Variants in PHLPP1 observed in about 807,000 individuals in gnomAD.
The protein encoded by PHLPP1 is PH domain leucine-rich repeat-containing protein phosphatase 1.
PHLPP1 carries 42 observed loss-of-function variants against 117.2 expected under a neutral mutation model. The observed-to-expected ratio is 0.36, with a 90% CI of 0.28 to 0.46. PHLPP1 has a LOEUF of 0.46. Among genes scored for constraint, PHLPP1 ranks in the 20% least tolerant of loss-of-function variants. PHLPP1 has a pLI of 1.00. For synonymous variants in PHLPP1, 1,042 were observed against 970.7 expected, an observed-to-expected ratio of 1.07 and a Z score of -1.37; for missense variants, 2,084 against 2,241.9, an observed-to-expected ratio of 0.93 and a Z score of 1.42.
At chr18:62,834,600 G>C (rs1247318135) in intron 2 of PHLPP1, among the ~76,000 whole-genome samples, 1 of 152,108 alleles carries the variant, frequency 6.6e-6, no homozygotes, top group Non-Finnish European at 1.5e-5. Context: ...TTGTTTTTCA[G>C]GGTCGATGTA....
chr18:62,926,656 C>T (rs191812242), intron 10 of PHLPP1, among the ~76,000 whole-genome samples: 2 of 152,208 alleles, frequency 1.3e-5, no homozygotes, highest in African/African-American at 2.4e-5. Flanking sequence ...TTTTGAGGCC[C>T]TACCCTGACC....
chr18:62,935,561 C>T (rs546825166), intron 10 of PHLPP1, among the ~76,000 whole-genome samples: 7 of 152,068 alleles, frequency 4.6e-5, no homozygotes, highest in African/African-American at 1.4e-4. Context: ...TAAGAATAGC[C>T]GGGAAAACAC....
intron 4 of PHLPP1, among the ~76,000 whole-genome samples, chr18:62,878,345 T>A (rs138329393): frequency 4.3e-4 from 66 of 152,338 alleles, no homozygotes; most frequent in African/African-American, 1.1e-3. Context: ...GGTATGAGAA[T>A]GCTGATGGAG....
intron 14 of PHLPP1, among the ~76,000 whole-genome samples, chr18:62,969,181 A>T (rs1910985266): frequency 6.6e-6 from 1 of 152,134 alleles, no homozygotes; most frequent in South Asian, 2.1e-4. Context: ...TACTGAGATT[A>T]CAGGTGTGAG....
chr18:62,889,924 A>G (rs1455198418), intron 4 of PHLPP1, among the ~76,000 whole-genome samples: 1 of 152,184 alleles, frequency 6.6e-6, no homozygotes, highest in Admixed American at 6.5e-5. Context: ...GTATTTCAAG[A>G]ACATTTCCAT....
intron 4 of PHLPP1, among the ~76,000 whole-genome samples, chr18:62,884,258 A>C (rs552987945): frequency 1.7e-4 from 26 of 152,352 alleles, no homozygotes; most frequent in African/African-American, 6.3e-4. Context: ...TCTCCTATTT[A>C]TGCAGCTGTA....
intron 4 of PHLPP1, among the ~76,000 whole-genome samples, chr18:62,873,024 A>C (rs191764314): frequency 3.8e-4 from 57 of 150,440 alleles, no homozygotes; most frequent in African/African-American, 1.1e-3. Flanking sequence ...GGGAGGTCAG[A>C]GCACTCCTTT....
chr18:62,802,183 A>G (rs778758576), intron 1 of PHLPP1, among the ~76,000 whole-genome samples: 12 of 152,198 alleles, frequency 7.9e-5, no homozygotes, highest in Non-Finnish European at 1.6e-4. Context: ...AGAAAAGAAG[A>G]AAGGTTGGCT....
intron 3 of PHLPP1, among the ~76,000 whole-genome samples, chr18:62,856,061 C>T (rs2069563118): frequency 6.6e-6 from 1 of 152,106 alleles, no homozygotes; most frequent in African/African-American, 2.4e-5. Flanking sequence ...CTTCTTACTG[C>T]GAGTTTCCCA....
intron 1 of PHLPP1, among the ~76,000 whole-genome samples, chr18:62,766,103 A>AT (rs1491171718): frequency 0.017 from 928 of 53,034 alleles, 49 homozygotes; most frequent in Non-Finnish European, 0.028. Flanking sequence ...ATATATATAT[A>AT]AAATATATAT....
chr18:62,887,394 C>T (rs1010398270), intron 4 of PHLPP1, among the ~76,000 whole-genome samples: 29 of 152,164 alleles, frequency 1.9e-4, no homozygotes, highest in Non-Finnish European at 8.8e-5. Context: ...TGCTTTAGTG[C>T]TTTAGTCTGT....
At chr18:62,834,430 A>G (rs1014104932) in intron 2 of PHLPP1, among the ~76,000 whole-genome samples, 2 of 152,190 alleles carry the variant, frequency 1.3e-5, no homozygotes, top group South Asian at 2.1e-4. Flanking sequence ...ATATTGTGCA[A>G]AGTATTAGAG....
At position 62,963,609 on chromosome 18, in the gene PHLPP1, G is replaced by A. The variant is rs60628546; in HGVS notation, c.3560+137G>A. 1.4e-3 allele frequency: 869 copies of A among 615,252 alleles called. 6 individuals carry two copies. In the African/African-American group the frequency reaches 0.015, roughly 11 times the overall value. The allele number at this position is 615,252 out of a possible 1,614,324, so 38.1% of individuals were successfully genotyped here. ...TTTGAGTATTGCAAGTTTCCCCAGA[G>A]TGAGGCTCCCTCACGACTTATGTTT... On this transcript the variant is annotated intron_variant, in intron 14 of 16. Coordinates refer to ENST00000262719, the MANE Select transcript of PHLPP1 (RefSeq NM_194449.4).
At position 62,715,770 on chromosome 18, in the gene PHLPP1, G is replaced by GGAAGCA; in HGVS notation, c.88_89insAAGCAG (p.Ala29_Ala30insGluAla). 1.1e-6 allele frequency: 1 copy of GGAAGCA among 948,742 alleles called. No homozygotes were observed. 58.8% of individuals were successfully genotyped at this position (948,742 alleles called of 1,614,324 possible). ...CTTCGGCTCCGGCGGCCGCCGCTGC[G>GGAAGCA]GCAGCAGCAGCAGCAGCGGCGGCCG... is the stretch of plus-strand genomic sequence containing the variant. On this transcript the variant is annotated inframe_insertion, in exon 1 of 17. Transcript: ENST00000262719.
intron 4 of PHLPP1, among the ~76,000 whole-genome samples, chr18:62,879,526 C>G (rs559426740): frequency 6.6e-6 from 1 of 152,080 alleles, no homozygotes; most frequent in East Asian, 1.9e-4. Context: ...ATTCTCCCAC[C>G]TCCGCCTCCT....
chr18:62,835,069 G>A (rs2144336113), intron 2 of PHLPP1, among the ~76,000 whole-genome samples: 1 of 151,930 alleles, frequency 6.6e-6, no homozygotes, highest in Non-Finnish European at 1.5e-5. Flanking sequence ...AGGTTTTTTT[G>A]TTTACTGTAT....
chr18:62,717,327 G>T, intron 1 of PHLPP1, 68 bp downstream of exon 1: 1 of 1,511,514 alleles, frequency 6.6e-7, no homozygotes, highest in Non-Finnish European at 8.8e-7. Context: ...GATTCAAATT[G>T]CTTGTCAGTT....
intron 9 of PHLPP1, among the ~76,000 whole-genome samples, chr18:62,919,707 TC>T (rs1909403186): frequency 6.6e-6 from 1 of 152,202 alleles, no homozygotes; most frequent in Non-Finnish European, 1.5e-5. Flanking sequence ...TAGACTGATC[TC>T]TTCAGTGCGT....
At chr18:62,965,908 C>A (rs924799763) in intron 14 of PHLPP1, among the ~76,000 whole-genome samples, 3 of 150,840 alleles carry the variant, frequency 2.0e-5, no homozygotes, top group Non-Finnish European at 4.4e-5. Flanking sequence ...CTACCTCATT[C>A]CAATTAGCAA....
Sources: allele counts gnomAD v4.1 joint callset (sites outside exome capture counted in the v4.1 genomes callset), GRCh38; gene constraint gnomAD v4.1.1; transcripts MANE v1.5; gene names NCBI Gene and HGNC (gene_info 2026-07-23, HGNC 2026-07-21).